Variants in PLEKHG4B observed in about 807,000 individuals in gnomAD.
PLEKHG4B encodes the protein pleckstrin homology domain-containing family G member 4B.
PLEKHG4B carries 111 observed loss-of-function variants against 121.3 expected under a neutral mutation model. The ratio of observed to expected loss-of-function variants is 0.92; its 90% CI spans 0.78 to 1.07. The LOEUF (loss-of-function observed/expected upper bound fraction) is 1.07. Ranked by LOEUF, PLEKHG4B falls within the 50% of genes least tolerant of loss-of-function variation. PLEKHG4B has a pLI of 0.00. For missense variants in PLEKHG4B, 1,831 were observed against 1,757.8 expected (o/e 1.04, Z -0.74); for synonymous variants, 738 against 725.0 (o/e 1.02, Z -0.29).
intron 1 of PLEKHG4B, among the ~76,000 whole-genome samples, chr5:107,855 G>A (rs1239050799): frequency 2.0e-5 from 3 of 152,188 alleles, no homozygotes; most frequent in Admixed American, 6.5e-5. Flanking sequence ...GCAGTGATCC[G>A]GGTGGGGCTG....
chr5:182,633 C>A lies in PLEKHG4B; in HGVS notation c.*310C>A. 2.9e-6 allele frequency: 1 copy of A among 345,516 alleles called. No individual in the cohort carries two copies. Among genetic ancestry groups the A allele is most frequent in the Non-Finnish European group, 5.4e-6 (1 of 186,158 alleles). 21.4% of individuals were successfully genotyped at this position (345,516 alleles called of 1,614,324 possible). On this transcript the variant is annotated 3_prime_UTR_variant, in exon 20 of 20. Coordinates refer to ENST00000637938, the MANE Select transcript of PLEKHG4B (RefSeq NM_052909.5). ...AAACAAAAGATGTCAAGACACAAGA[C>A]ATTTGGCAACAAAGGACCGCGATCC...
intron 1 of PLEKHG4B, among the ~76,000 whole-genome samples, chr5:106,480 G>A (rs1301735494): frequency 6.6e-6 from 1 of 152,154 alleles, no homozygotes; most frequent in Admixed American, 6.5e-5. Context: ...TTATTTCAAG[G>A]TATTTTGTTC....
In PLEKHG4B at chr5:164,679, CAG is replaced by C. The variant is rs201786651; in HGVS notation, c.3476+1132_3476+1133del. Among the ~76,000 whole-genome samples the C allele has an allele frequency of 2.5e-3, 235 of 95,062 alleles. 23 individuals are homozygous for C. The highest frequency in any genetic ancestry group is 0.017 in the Middle Eastern group (2 of 120). 62.4% of individuals were successfully genotyped at this position (95,062 alleles called of 152,430 possible). On this transcript the variant is annotated intron_variant, in intron 13 of 19. Transcript: ENST00000637938. ...GGCGGAGCTCACACTAATACTCTGACAGGGGGCGGAGCTCACACTAATGCTCT... is the reference window on the plus strand; with the variant it reads ...GGCGGAGCTCACACTAATACTCTGACGGGGCGGAGCTCACACTAATGCTCT...
chr5:159,481 T>C lies in PLEKHG4B; in HGVS notation c.2488-2302T>C, dbSNP rs188789938. Among the ~76,000 whole-genome samples the C allele has an allele frequency of 3.0e-4, 46 of 152,270 alleles. No individual in the cohort carries two copies. In the East Asian group the frequency reaches 6.6e-3, roughly 22 times the overall value. ...CTGGCTGTGTGCTGTCCTTGTAAGGTAGATTTTTCTCAGCTTTACCCTCTA... is the reference window on the plus strand; with the variant it reads ...CTGGCTGTGTGCTGTCCTTGTAAGGCAGATTTTTCTCAGCTTTACCCTCTA... On this transcript the variant is annotated intron_variant, in intron 11 of 19. Coordinates refer to ENST00000637938, the MANE Select transcript of PLEKHG4B (RefSeq NM_052909.5). The surrounding 1 kb of genome is among the most constrained non-coding windows in gnomAD (Gnocchi z 5.5).
At position 144,894 on chromosome 5, in the gene PLEKHG4B, G is replaced by A. The variant is rs748074396; in HGVS notation, c.1879G>A (p.Val627Ile). ...ACGCAGGAGTCCAGCTGCCCCTGCC[G>A]TCTCCCAGGCCCTCTCAGGATTGCA... ...DARRSPAAPA[V>I]SQALSGLQNN... The change falls in exon 6 of 20, where the codon GTC becomes ATC. Residue 627 changes from valine (V) to isoleucine (I), a missense_variant. Val to Ile is a conservative substitution (Grantham distance 29). Transcript: ENST00000637938. 23 of 1,613,112 alleles carry A rather than the reference G, an allele frequency of 1.4e-5. No individual in the cohort carries two copies. Among genetic ancestry groups the A allele is most frequent in the Admixed American group, 3.3e-5 (2 of 59,986 alleles).
rs570146172 is a variant in PLEKHG4B at position 183,916 on chromosome 5, G to T, written c.*1593G>T. 1 of 152,238 alleles carries T rather than the reference G, an allele frequency of 6.6e-6. No individual in the cohort carries two copies. The highest frequency in any genetic ancestry group is 2.1e-4 in the South Asian group (1 of 4,830). The allele number at this position is 152,238 out of a possible 1,614,324, so 9.4% of individuals were successfully genotyped here. On this transcript the variant is annotated 3_prime_UTR_variant, in exon 20 of 20. Coordinates refer to ENST00000637938, the MANE Select transcript of PLEKHG4B (RefSeq NM_052909.5). ...ACATCAGTGGAAACTATTTGCATTT[G>T]TTGGGCCTCCAGAGAGACAGAACCA...
intron 2 of PLEKHG4B, among the ~76,000 whole-genome samples, chr5:124,945 C>G (rs184624279): frequency 6.6e-6 from 1 of 152,146 alleles, no homozygotes; most frequent in Admixed American, 6.5e-5. Context: ...ACAGCCTGGC[C>G]AACATGGTGA....
chr5:147,554 G>A (rs1735459766), intron 6 of PLEKHG4B, among the ~76,000 whole-genome samples: 1 of 152,226 alleles, frequency 6.6e-6, no homozygotes, highest in Non-Finnish European at 1.5e-5. Flanking sequence ...TATGCTTATT[G>A]TTAGTGTTCA....
chr5:146,575 C>T (rs1421760473), intron 6 of PLEKHG4B, among the ~76,000 whole-genome samples: 2 of 142,856 alleles, frequency 1.4e-5, no homozygotes, highest in Admixed American at 6.9e-5. Flanking sequence ...CCCTAAGGTC[C>T]TCCCTCCTCT....
intron 12 of PLEKHG4B, among the ~76,000 whole-genome samples, chr5:162,384 T>C (rs544177135): frequency 1.2e-4 from 19 of 152,322 alleles, no homozygotes; most frequent in South Asian, 4.1e-4. Flanking sequence ...TGAGGGGTCA[T>C]GGGGTGGCCA....
At chr5:173,125 C>A in intron 17 of PLEKHG4B, 58 bp downstream of exon 17, 1 of 1,555,560 alleles carries the variant, frequency 6.4e-7, no homozygotes, top group Non-Finnish European at 8.8e-7. Flanking sequence ...AAGGGGGTCT[C>A]GGACCCTTGT....
intron 1 of PLEKHG4B, among the ~76,000 whole-genome samples, chr5:99,564 A>G (rs979343172): frequency 1.3e-5 from 2 of 151,978 alleles, no homozygotes; most frequent in Non-Finnish European, 2.9e-5. Flanking sequence ...GTATAGAAAC[A>G]TAACTAATTT....
intron 18 of PLEKHG4B, among the ~76,000 whole-genome samples, chr5:177,549 C>T (rs1375312694): frequency 2.0e-5 from 3 of 152,168 alleles, no homozygotes; most frequent in Non-Finnish European, 2.9e-5. Context: ...TCTGCAGCAA[C>T]CTCAGTTCTT....
chr5:106,031 A>G (rs1177669992), intron 1 of PLEKHG4B, among the ~76,000 whole-genome samples: 1 of 152,206 alleles, frequency 6.6e-6, no homozygotes, highest in Non-Finnish European at 1.5e-5. Context: ...TTTCTTTTAG[A>G]TTGGTGTAAT....
chr5:163,506 G>A lies in PLEKHG4B; in HGVS notation c.3434G>A (p.Gly1145Glu), dbSNP rs1203757582. The change falls in exon 13 of 20, where the codon GGG (glycine) becomes GAG (glutamate). Residue 1145 changes from glycine (G) to glutamate (E), a missense_variant. Gly to Glu is a moderately conservative substitution (Grantham distance 98). Coordinates refer to ENST00000637938, the MANE Select transcript of PLEKHG4B (RefSeq NM_052909.5). Reference protein sequence around the residue: ...TQSRSLSSPSGLHPAEEDGRQ... With the variant: ...TQSRSLSSPSELHPAEEDGRQ... ...AGCCGGAGTCTGTCCTCCCCCTCGG[G>A]GCTCCACCCTGCTGAGGAGGATGGG... is the stretch of plus-strand genomic sequence containing the variant. The A allele has an allele frequency of 6.2e-7, 1 of 1,611,580 alleles. No individual in the cohort carries two copies.
At chr5:180,174 G>A (rs1560958201) in intron 18 of PLEKHG4B, among the ~76,000 whole-genome samples, 1 of 152,120 alleles carries the variant, frequency 6.6e-6, no homozygotes, top group African/African-American at 2.4e-5. Context: ...TTGAGGCCCG[G>A]GCTGGTGTCT....
In PLEKHG4B at chr5:157,927, G is replaced by T. The variant is rs1314692220; in HGVS notation, c.2487+1016G>T. ...AGGTCCATGCGCGTGCCCTCACGGG[G>T]GCCTCCAGACAAAGACGTGCAGCAG... is the stretch of plus-strand genomic sequence containing the variant. On this transcript the variant is annotated intron_variant, in intron 11 of 19. Coordinates refer to ENST00000637938, the MANE Select transcript of PLEKHG4B (RefSeq NM_052909.5). This position sits in a 1 kb window ranked among gnomAD's most constrained non-coding sequence, Gnocchi z 4.6. 6.6e-6 allele frequency among the ~76,000 whole-genome samples: 1 copy of T among 152,162 alleles called. No homozygotes were observed. Among genetic ancestry groups the T allele is most frequent in the Non-Finnish European group, 1.5e-5 (1 of 68,018 alleles).
intron 2 of PLEKHG4B, among the ~76,000 whole-genome samples, chr5:135,395 G>A (rs1450865390): frequency 6.6e-6 from 1 of 151,058 alleles, no homozygotes; most frequent in Non-Finnish European, 1.5e-5. Flanking sequence ...GGCCGGGTGT[G>A]GTGGCTCACG....
intron 19 of PLEKHG4B, 133 bp from the exon 20 acceptor site, chr5:181,871 A>G (rs1446107968): frequency 7.8e-7 from 1 of 1,290,268 alleles, no homozygotes; most frequent in Non-Finnish European, 1.1e-6. Flanking sequence ...AGTGGCCGAC[A>G]TGGTGGGTTG....
Sources: allele counts gnomAD v4.1 joint callset (sites outside exome capture counted in the v4.1 genomes callset), GRCh38; gene constraint gnomAD v4.1.1; non-coding constraint Gnocchi (gnomAD v3.1); transcripts MANE v1.5; gene names NCBI Gene and HGNC (gene_info 2026-07-23, HGNC 2026-07-21).